KCNQ3: variants seen among roughly 807,000 people sequenced by gnomAD.
The protein encoded by KCNQ3 is potassium voltage-gated channel subfamily KQT member 3.
KCNQ3 carries 30 observed loss-of-function variants against 92.5 expected under a neutral mutation model. That is an observed-to-expected ratio of 0.32 (90% confidence interval 0.24 to 0.44). KCNQ3 has a LOEUF of 0.44. Ranked by LOEUF, KCNQ3 falls within the 20% of genes least tolerant of loss-of-function variation. The probability of loss-of-function intolerance (pLI) is 1.00; values close to 1 mark genes in which losing one functional copy is unlikely to be tolerated. For missense variants in KCNQ3, 913 were observed against 1,140.3 expected, an observed-to-expected ratio of 0.80 and a Z score of 2.87; for synonymous variants, 450 against 468.8, an observed-to-expected ratio of 0.96 and a Z score of 0.52.
At chr8:132,234,755 G>T (rs1327341206) in intron 1 of KCNQ3, among the ~76,000 whole-genome samples, 1 of 152,146 alleles carries the variant, frequency 6.6e-6, no homozygotes, top group Non-Finnish European at 1.5e-5. Context: ...AAGGGAAGTT[G>T]TCCAGCCCCA....
chr8:132,175,365 G>A, intron 5 of KCNQ3, 88 bp downstream of exon 5: 1 of 1,444,900 alleles, frequency 6.9e-7, no homozygotes. Context: ...GCAGCTGCCT[G>A]GCTGAACATG....
rs1052920934 is a variant in KCNQ3, at chr8:132,353,257, T to C, written c.386+126890A>G. ...ACCCCCAGCCCTCCGCCAAAAAAAGTAGGATTTTAACTGGCAGACCTGGGA... is the reference window on the plus strand; with the variant it reads ...ACCCCCAGCCCTCCGCCAAAAAAAGCAGGATTTTAACTGGCAGACCTGGGA... On this transcript the variant is annotated intron_variant, in intron 1 of 14. Transcript: ENST00000388996. Among the ~76,000 whole-genome samples, 8 of 149,250 alleles carry C rather than the reference T, an allele frequency of 5.4e-5. No homozygotes were observed. The East Asian group carries it at 1.6e-3, about 30-fold the overall frequency.
rs574400607 is a variant in KCNQ3, at chr8:132,221,976, T to C, written c.387-35795A>G. Among the ~76,000 whole-genome samples the C allele has an allele frequency of 1.9e-4, 29 of 152,312 alleles. 1 individual carries two copies. The South Asian group carries it at 6.0e-3, about 32-fold the overall frequency. On this transcript the variant is annotated intron_variant, in intron 1 of 14. Coordinates refer to ENST00000388996, the MANE Select transcript of KCNQ3 (RefSeq NM_004519.4). ...ACCATAAAAACCCTAGAAGAAAACCTAGGCAATACCATTTAGGACATAGGC... is the reference window on the plus strand; with the variant it reads ...ACCATAAAAACCCTAGAAGAAAACCCAGGCAATACCATTTAGGACATAGGC...
intron 1 of KCNQ3, among the ~76,000 whole-genome samples, chr8:132,292,633 C>T (rs985992630): frequency 6.6e-6 from 1 of 151,734 alleles, no homozygotes; most frequent in Non-Finnish European, 1.5e-5. Context: ...ATTCATCTGT[C>T]TTAGGTTCAG....
chr8:132,175,503 C>G lies in KCNQ3; in HGVS notation c.883G>C (p.Glu295Gln), dbSNP rs750997381. Residue 295 changes from glutamate to glutamine, a missense_variant, in exon 5 of 15, where the codon GAG (glutamate) becomes CAG (glutamine). This residue lies in a region of KCNQ3 where 21 missense variants were observed against 16.3 expected (regional missense o/e 1.29). Transcript: ENST00000388996. The stretch of plus-strand genomic sequence containing the variant: ...TAGGTCTCAAACTCCTCTTTCATCT[C>G]CTCTCCTTGTGCATCCACCTCTGGG... Reference protein sequence around the residue: ...DVPEVDAQGEEMKEEFETYAD... With the variant: ...DVPEVDAQGEQMKEEFETYAD... The G allele has an allele frequency of 1.2e-5, 19 of 1,614,086 alleles. No individual in the cohort carries two copies. The highest frequency in any genetic ancestry group is 1.4e-5 in the Non-Finnish European group (17 of 1,180,032).
intron 1 of KCNQ3, among the ~76,000 whole-genome samples, chr8:132,451,245 C>A (rs954228933): frequency 1.3e-5 from 2 of 152,246 alleles, no homozygotes; most frequent in Admixed American, 6.5e-5. Flanking sequence ...TTTGCTTCTC[C>A]TTTGCCTTCT....
At chr8:132,227,292 T>A (rs1432842611) in intron 1 of KCNQ3, among the ~76,000 whole-genome samples, 2 of 151,928 alleles carry the variant, frequency 1.3e-5, no homozygotes, top group African/African-American at 4.8e-5. Context: ...GATCTCCTGA[T>A]CTCATGATCT....
intron 1 of KCNQ3, among the ~76,000 whole-genome samples, chr8:132,318,496 C>T (rs1289181408): frequency 6.6e-6 from 1 of 152,208 alleles, no homozygotes; most frequent in African/African-American, 2.4e-5. Context: ...GCTTCTTCAG[C>T]CCAGCTCTGT....
At chr8:132,330,646 C>A (rs1474676170) in intron 1 of KCNQ3, among the ~76,000 whole-genome samples, 4 of 152,128 alleles carry the variant, frequency 2.6e-5, no homozygotes, top group African/African-American at 4.8e-5. Context: ...ATCTTGAGAC[C>A]CCAAAGGCAA....
At chr8:132,253,090 A>C (rs1336915030) in intron 1 of KCNQ3, among the ~76,000 whole-genome samples, 1 of 152,150 alleles carries the variant, frequency 6.6e-6, no homozygotes, top group Non-Finnish European at 1.5e-5. Flanking sequence ...CCCTTTTCAA[A>C]ATCTACCTAC....
chr8:132,398,596 T>C (rs1291568774), intron 1 of KCNQ3, among the ~76,000 whole-genome samples: 1 of 152,202 alleles, frequency 6.6e-6, no homozygotes, highest in African/African-American at 2.4e-5. Context: ...CCTATTAAAA[T>C]GCTATTTTAA....
intron 1 of KCNQ3, among the ~76,000 whole-genome samples, chr8:132,451,142 A>T (rs1485682141): frequency 2.0e-5 from 3 of 152,148 alleles, no homozygotes; most frequent in South Asian, 2.1e-4. Flanking sequence ...GTGCTTTCTC[A>T]TGATAGTGAA....
intron 1 of KCNQ3, among the ~76,000 whole-genome samples, chr8:132,351,968 A>G (rs1014677309): frequency 6.6e-6 from 1 of 152,142 alleles, no homozygotes; most frequent in Admixed American, 6.5e-5. Flanking sequence ...CTCAGCAGGG[A>G]AGGAAGTCAG....
chr8:132,464,974 T>C (rs1201987156), intron 1 of KCNQ3, among the ~76,000 whole-genome samples: 1 of 152,190 alleles, frequency 6.6e-6, no homozygotes, highest in Non-Finnish European at 1.5e-5. Flanking sequence ...ACCTAAAGGA[T>C]TACATTTTTT....
Position 132,243,727 on chromosome 8 carries a change from T to C in KCNQ3, c.387-57546A>G, listed in dbSNP as rs544060206. ...CCCCAACCTCAATTTTGTAGCAAGG[T>C]AAAGTATCTAATGGTTTGATGTACA... is the stretch of plus-strand genomic sequence containing the variant. On this transcript the variant is annotated intron_variant, in intron 1 of 14. Coordinates refer to ENST00000388996, the MANE Select transcript of KCNQ3 (RefSeq NM_004519.4). Among the ~76,000 whole-genome samples, 40 of 152,242 alleles carry C rather than the reference T, an allele frequency of 2.6e-4. No homozygotes were observed. The South Asian group carries it at 8.1e-3, about 31-fold the overall frequency.
chr8:132,469,676 G>A (rs1298468091), intron 1 of KCNQ3, among the ~76,000 whole-genome samples: 1 of 151,868 alleles, frequency 6.6e-6, no homozygotes, highest in Non-Finnish European at 1.5e-5. Context: ...AAGACCTCCA[G>A]ACCCAAACCA....
chr8:132,140,958 C>G (rs951956256), intron 10 of KCNQ3, 171 bp downstream of exon 10: 5 of 675,584 alleles, frequency 7.4e-6, no homozygotes, highest in Non-Finnish European at 1.3e-5. Context: ...ATGCCTCAGC[C>G]CAAGGGACAG....
intron 1 of KCNQ3, among the ~76,000 whole-genome samples, chr8:132,274,237 G>C (rs919790624): frequency 6.6e-6 from 1 of 152,162 alleles, no homozygotes; most frequent in Non-Finnish European, 1.5e-5. Flanking sequence ...GGAAGGCAAG[G>C]AGAAGGAAGT....
chr8:132,313,750 T>G (rs1169373455), intron 1 of KCNQ3, among the ~76,000 whole-genome samples: 1 of 152,114 alleles, frequency 6.6e-6, no homozygotes, highest in African/African-American at 2.4e-5. Flanking sequence ...GTCAGAATAA[T>G]TAGAACCAGA....
Sources: allele counts gnomAD v4.1 joint callset (sites outside exome capture counted in the v4.1 genomes callset), GRCh38; gene constraint gnomAD v4.1.1; regional missense constraint gnomAD v4.1.1; transcripts MANE v1.5; gene names NCBI Gene and HGNC (gene_info 2026-07-23, HGNC 2026-07-21).